Variants in ANKRD10 observed in about 807,000 individuals in gnomAD.
The protein encoded by ANKRD10 is ankyrin repeat domain-containing protein 10.
ANKRD10 carries 14 observed loss-of-function variants against 27.0 expected under a neutral mutation model. The observed-to-expected ratio is 0.52, with a 90% CI of 0.34 to 0.81. The LOEUF (loss-of-function observed/expected upper bound fraction) is 0.81, where lower values mean the gene tolerates loss of function less well. ANKRD10 is among the 40% of genes least tolerant of loss of function. ANKRD10 has a pLI of 0.01. For missense variants in ANKRD10, 493 were observed against 544.0 expected, an observed-to-expected ratio of 0.91 and a Z score of 0.93; for synonymous variants, 250 against 224.5, an observed-to-expected ratio of 1.11 and a Z score of -1.01.
At chr13:110,903,337 T>C (rs910167079) in intron 3 of ANKRD10, 1 of 125,022 alleles carries the variant, frequency 8.0e-6, no homozygotes, top group Non-Finnish European at 1.9e-5. Context: ...CTGTGCGTTT[T>C]AATTTTTAGA....
chr13:110,886,168 A>G (rs557089907), intron 4 of ANKRD10, among the ~76,000 whole-genome samples: 33 of 152,394 alleles, frequency 2.2e-4, no homozygotes, highest in African/African-American at 6.2e-4. Context: ...AGGGGCCGGA[A>G]GAGCCGCGTT....
chr13:110,905,936 A>T, intron 3 of ANKRD10, 97 bp downstream of exon 3: 1 of 1,170,476 alleles, frequency 8.5e-7, no homozygotes, highest in South Asian at 1.5e-5. Flanking sequence ...AATTTTGAAA[A>T]CAAAGTTTTA....
intron 2 of ANKRD10, among the ~76,000 whole-genome samples, chr13:110,907,850 A>G (rs1168683711): frequency 1.3e-5 from 2 of 152,198 alleles, no homozygotes; most frequent in Non-Finnish European, 2.9e-5. Context: ...AGATTTAGAT[A>G]AAGTTTTGCC....
chr13:110,890,228 T>C (rs2065038525), intron 4 of ANKRD10, among the ~76,000 whole-genome samples: 1 of 152,186 alleles, frequency 6.6e-6, no homozygotes, highest in Non-Finnish European at 1.5e-5. Context: ...GAAATAATTA[T>C]ATATCTATTG....
intron 3 of ANKRD10, among the ~76,000 whole-genome samples, chr13:110,902,419 T>C (rs2065410847): frequency 6.6e-6 from 1 of 152,188 alleles, no homozygotes; most frequent in South Asian, 2.1e-4. Flanking sequence ...GACAATTCCA[T>C]TTTAATTAAA....
rs1452830246 is a variant in ANKRD10 at position 110,910,632 on chromosome 13, T to C, written c.349A>G (p.Asn117Asp). 1 of 1,613,876 alleles carries C rather than the reference T, an allele frequency of 6.2e-7. No homozygotes were observed. The highest frequency in any genetic ancestry group is 8.5e-7 in the Non-Finnish European group (1 of 1,180,010). Residue 117 changes from asparagine to aspartate, a missense_variant, in exon 2 of 6, where the codon AAC becomes GAC. Asn to Asp is a conservative substitution (Grantham distance 23). Transcript: ENST00000267339. ...CLVWLIQAGA[N>D]INKPDCEGET... ...AGCACTCTTACCGGTTTGTTAATGTTGGCTCCTGCTTGAATCAGCCAGACC... is the reference window on the plus strand; with the variant it reads ...AGCACTCTTACCGGTTTGTTAATGTCGGCTCCTGCTTGAATCAGCCAGACC...
chr13:110,879,599 G>A lies in ANKRD10; in HGVS notation c.*38C>T. ...ATGGGTATTCTGAGCTGGCTACCAG[G>A]AAGGACTCCTGCGTTTCCGAGAGCC... On this transcript the variant is annotated 3_prime_UTR_variant, in exon 6 of 6. Coordinates refer to ENST00000267339, the MANE Select transcript of ANKRD10 (RefSeq NM_017664.4). 2.0e-6 allele frequency: 3 copies of A among 1,522,476 alleles called. No homozygotes were observed. The highest frequency in any genetic ancestry group is 2.7e-6 in the Non-Finnish European group (3 of 1,106,822). The allele number at this position is 1,522,476 out of a possible 1,614,324, so 94.3% of individuals were successfully genotyped here.
Position 110,880,053 on chromosome 13 carries a change from GTCCATTGATGACACA to G in ANKRD10, c.832_846del (p.Cys278_Gly282del). 1 of 1,614,096 alleles carries G rather than the reference GTCCATTGATGACACA, an allele frequency of 6.2e-7. No individual in the cohort carries two copies. The highest frequency in any genetic ancestry group is 1.1e-5 in the South Asian group (1 of 91,070). ...GGGGTCGTGGAGGGGAAGTCCAAAT[GTCCATTGATGACACA>G]TCCATTTGTCAATGTATTCGATACG... On this transcript the variant is annotated inframe_deletion, in exon 6 of 6. Coordinates refer to ENST00000267339, the MANE Select transcript of ANKRD10 (RefSeq NM_017664.4).
rs923981930 is a variant in ANKRD10 at position 110,885,545 on chromosome 13, TA to T, written c.692-1753del. On this transcript the variant is annotated intron_variant, in intron 4 of 5. Transcript: ENST00000267339. ...CCTGGTGACAGAGCGAGACTCCATC[TA>T]AAAAAAAAGAAAAAAAGAAAGAAAG... Among the ~76,000 whole-genome samples the T allele has an allele frequency of 6.0e-4, 89 of 147,820 alleles. 1 individual carries two copies. Among genetic ancestry groups the T allele is most frequent in the African/African-American group, 2.2e-3 (87 of 40,086 alleles).
At chr13:110,907,576 T>C (rs952930164) in intron 2 of ANKRD10, among the ~76,000 whole-genome samples, 1 of 151,994 alleles carries the variant, frequency 6.6e-6, no homozygotes, top group African/African-American at 2.4e-5. Flanking sequence ...GAGTGCTTGG[T>C]AGAGGGAAAA....
chr13:110,894,418 A>AAC (rs1566466124), intron 3 of ANKRD10: 1 of 318,874 alleles, frequency 3.1e-6, no homozygotes, highest in African/African-American at 2.2e-5. Context: ...AAAAAAAAAA[A>AAC]AAAAAAAAAC....
intron 1 of ANKRD10, 75 bp downstream of exon 1, chr13:110,914,650 C>G: frequency 3.4e-6 from 5 of 1,480,408 alleles, no homozygotes; most frequent in Admixed American, 2.2e-5. Context: ...CCACGTCCCC[C>G]GCACCTCAGA....
At chr13:110,906,599 C>T (rs2065544424) in intron 2 of ANKRD10, among the ~76,000 whole-genome samples, 1 of 152,090 alleles carries the variant, frequency 6.6e-6, no homozygotes, top group Non-Finnish European at 1.5e-5. Flanking sequence ...TCATCAATGC[C>T]GATCTTGAAT....
At chr13:110,898,480 C>T (rs973866196) in intron 3 of ANKRD10, among the ~76,000 whole-genome samples, 2 of 152,164 alleles carry the variant, frequency 1.3e-5, no homozygotes, top group Admixed American at 6.5e-5. Context: ...TTCTGTGTTT[C>T]CATCCACACT....
rs376477052 is a variant in ANKRD10 at position 110,879,905 on chromosome 13, T to G, written c.995A>C (p.Glu332Ala). The change falls in exon 6 of 6, where the codon GAG (glutamate) becomes GCG (alanine). Residue 332 changes from glutamate (E) to alanine (A), a missense_variant. Coordinates refer to ENST00000267339, the MANE Select transcript of ANKRD10 (RefSeq NM_017664.4). Reference sequence around the variant, plus strand: ...AGCTCTCAGGGTCTTCTCTGGCTCCTCAGTCCCACTAATGCAGAGAGAACC... The same window carrying G: ...AGCTCTCAGGGTCTTCTCTGGCTCCGCAGTCCCACTAATGCAGAGAGAACC... ...SQGSLCISGT[E>A]EPEKTLRANP... 3 of 1,614,104 alleles carry G rather than the reference T, an allele frequency of 1.9e-6. No homozygotes were observed. In the African/African-American group the frequency reaches 4.0e-5, roughly 22 times the overall value.
chr13:110,913,747 A>G (rs2065790651), intron 1 of ANKRD10, among the ~76,000 whole-genome samples: 1 of 152,186 alleles, frequency 6.6e-6, no homozygotes, highest in Non-Finnish European at 1.5e-5. Flanking sequence ...ACCCCATCTC[A>G]TCACTTACGA....
At chr13:110,892,438 G>GAAAAA (rs2065105005) in intron 4 of ANKRD10, among the ~76,000 whole-genome samples, 1 of 11,092 alleles carries the variant, frequency 9.0e-5, no homozygotes, top group African/African-American at 3.3e-4. Flanking sequence ...AAAAAAAAAT[G>GAAAAA]GTGGGAGAAT....
At chr13:110,880,162 G>T in intron 5 of ANKRD10, 50 bp from the exon 6 acceptor site, 1 of 1,479,010 alleles carries the variant, frequency 6.8e-7, no homozygotes, top group Non-Finnish European at 9.2e-7. Context: ...AATGAGGGAG[G>T]AGAAACTATA....
intron 4 of ANKRD10, among the ~76,000 whole-genome samples, chr13:110,887,162 G>A (rs976029408): frequency 6.6e-6 from 1 of 152,170 alleles, no homozygotes; most frequent in African/African-American, 2.4e-5. Flanking sequence ...TCCACTTGGG[G>A]CTGATGCCCA....
Sources: gnomAD v4.1 joint callset for allele counts (sites outside exome capture counted in the v4.1 genomes callset) on GRCh38, gnomAD v4.1.1 for gene constraint, MANE v1.5 for transcripts, NCBI Gene and HGNC (gene_info 2026-07-23, HGNC 2026-07-21) for gene names.